PXYLP1: variants seen among roughly 807,000 people sequenced by gnomAD.
PXYLP1 encodes the protein acid phosphatase-like 2.
In PXYLP1, 17 loss-of-function variants were observed where a neutral mutation model predicts 37.9. The ratio of observed to expected loss-of-function variants is 0.45; its 90% CI spans 0.31 to 0.67. PXYLP1 has a LOEUF of 0.67. Among genes scored for constraint, PXYLP1 ranks in the 30% least tolerant of loss-of-function variants. The probability of loss-of-function intolerance (pLI) is 0.07; values close to 1 mark genes in which losing one functional copy is unlikely to be tolerated. For synonymous variants in PXYLP1, 221 were observed against 232.2 expected (o/e 0.95, Z 0.44); for missense variants, 511 against 612.0 (o/e 0.84, Z 1.74).
rs1400814568 is a variant in PXYLP1 at position 141,248,611 on chromosome 3, GTA to G, written c.-53-11505_-53-11504del. Among the ~76,000 whole-genome samples, 27 of 94,830 alleles carry G rather than the reference GTA, an allele frequency of 2.8e-4. 2 individuals carry two copies. Among genetic ancestry groups the G allele is most frequent in the African/African-American group, 7.0e-4 (13 of 18,668 alleles). 62.2% of individuals were successfully genotyped at this position (94,830 alleles called of 152,430 possible). A position where few individuals can be genotyped will look rare whatever the true frequency, so the allele number is the denominator to read the frequency against. ...TACACACACGTGTATATATACACACGTATATATACACACACGTATATATACAC... is the reference window on the plus strand; with the variant it reads ...TACACACACGTGTATATATACACACGTATATACACACACGTATATATACAC... On this transcript the variant is annotated intron_variant, in intron 1 of 5. Coordinates refer to ENST00000286353, the MANE Select transcript of PXYLP1 (RefSeq NM_001037172.3).
rs545979594 is a variant in PXYLP1 at position 141,292,588 on chromosome 3, G to A, written c.826G>A (p.Gly276Arg). 73 of 1,614,036 alleles carry A rather than the reference G, an allele frequency of 4.5e-5. No homozygotes were observed. Among genetic ancestry groups the A allele is most frequent in the Non-Finnish European group, 5.4e-5 (64 of 1,180,012 alleles). Residue 276 changes from glycine (G) to arginine (R), a missense_variant, in exon 6 of 6, where the codon GGG becomes AGG. Physicochemically the swap from Gly to Arg is moderately radical, Grantham distance 125. Transcript: ENST00000286353. This position sits in a 1 kb window ranked among gnomAD's most constrained non-coding sequence, Gnocchi z 4.3. Reference sequence around the variant, plus strand: ...AAACAGCCAGCTGGAGAAGACCTACGGGGAGATGGCCAAGATCGTGGATGT... The same window carrying A: ...AAACAGCCAGCTGGAGAAGACCTACAGGGAGATGGCCAAGATCGTGGATGT... The part of the protein sequence containing the change: ...LKNSQLEKTY[G>R]EMAKIVDVPT...
At chr3:141,252,478 G>A (rs870400) in intron 1 of PXYLP1, among the ~76,000 whole-genome samples, 65,840 of 151,992 alleles carry the variant, frequency 0.43, 16,786 homozygotes, top group South Asian at 0.61. Flanking sequence ...GGTGAGAGCG[G>A]GAGCAAGAGA....
chr3:141,234,519 C>A (rs1487916712), intron 1 of PXYLP1, among the ~76,000 whole-genome samples: 1 of 152,196 alleles, frequency 6.6e-6, no homozygotes, highest in Non-Finnish European at 1.5e-5. Context: ...TTGCACCATC[C>A]CCACTCCAGT....
intron 1 of PXYLP1, among the ~76,000 whole-genome samples, chr3:141,239,000 C>A (rs1010874484): frequency 2.7e-5 from 4 of 150,664 alleles, no homozygotes; most frequent in Non-Finnish European, 4.4e-5. Context: ...TCGACCTGCT[C>A]AGTTCAAATC....
chr3:141,251,548 G>A (rs1482299573), intron 1 of PXYLP1, among the ~76,000 whole-genome samples: 1 of 152,218 alleles, frequency 6.6e-6, no homozygotes, highest in African/African-American at 2.4e-5. Flanking sequence ...TTCATAAGAG[G>A]AAGGAAGGAA....
chr3:141,233,463 C>CAA (rs5853024), intron 1 of PXYLP1, among the ~76,000 whole-genome samples: 137 of 79,348 alleles, frequency 1.7e-3, no homozygotes, highest in African/African-American at 4.3e-3. Context: ...AAAACCCTGT[C>CAA]AAAAAAAAAA....
rs760855333 is a variant in PXYLP1 at position 141,287,379 on chromosome 3, T to C, written c.431T>C (p.Phe144Ser). ...SHMSKGSGAS[F>S]ESPLNSLPLY... ...ATGTCAAAAGGATCCGGAGCCTCTT[T>C]CGAAAGCCCCTTGAACTCCTTGCCT... is the stretch of plus-strand genomic sequence containing the variant. Residue 144 changes from phenylalanine to serine, a missense_variant, in exon 5 of 6, where the codon TTC (phenylalanine) becomes TCC (serine). By Grantham distance (155) the Phe-to-Ser change is radical (BLOSUM62 -2). Transcript: ENST00000286353. 36 of 1,614,152 alleles carry C rather than the reference T, an allele frequency of 2.2e-5. No homozygotes were observed. The highest frequency in any genetic ancestry group is 2.9e-5 in the Non-Finnish European group (34 of 1,180,032).
chr3:141,285,372 C>T (rs1409919376), intron 4 of PXYLP1, among the ~76,000 whole-genome samples: 1 of 151,530 alleles, frequency 6.6e-6, no homozygotes, highest in East Asian at 1.9e-4. Context: ...AAACTCCTGG[C>T]CCCAAGCAGT....
chr3:141,258,261 T>A (rs1941310133), intron 1 of PXYLP1, among the ~76,000 whole-genome samples: 1 of 152,132 alleles, frequency 6.6e-6, no homozygotes, highest in African/African-American at 2.4e-5. Context: ...AGACAAGATT[T>A]GCACCAGAGC....
chr3:141,248,558 CGTGTATATATAT>C (rs1559881379), intron 1 of PXYLP1, among the ~76,000 whole-genome samples: 2 of 133,214 alleles, frequency 1.5e-5, no homozygotes, highest in African/African-American at 3.3e-5. Flanking sequence ...TATATACACA[CGTGTATATATAT>C]ACACACATGT....
At chr3:141,240,252 AG>A (rs1940762923) in intron 1 of PXYLP1, among the ~76,000 whole-genome samples, 1 of 152,208 alleles carries the variant, frequency 6.6e-6, no homozygotes, top group African/African-American at 2.4e-5. Flanking sequence ...GGGCCATGTG[AG>A]TGTGTAGTGG....
In PXYLP1 at chr3:141,273,730, G is replaced by C. The variant is rs527343681; in HGVS notation, c.80-4612G>C. ...ATGAAAGTGATCGTAGATGAGATGA[G>C]CAGAGAACACCGCCATAAAAGAGAG... On this transcript the variant is annotated intron_variant, in intron 2 of 5. Coordinates refer to ENST00000286353, the MANE Select transcript of PXYLP1 (RefSeq NM_001037172.3). 4.1e-6 allele frequency: 4 copies of C among 985,394 alleles called. No individual in the cohort carries two copies. The South Asian group carries it at 1.9e-4, about 46-fold the overall frequency. 61.0% of individuals were successfully genotyped at this position (985,394 alleles called of 1,614,324 possible).
Position 141,249,470 on chromosome 3 carries a change from C to CTTT in PXYLP1, c.-53-10636_-53-10634dup, listed in dbSNP as rs564313232. Among the ~76,000 whole-genome samples the CTTT allele has an allele frequency of 5.5e-3, 509 of 93,116 alleles. 21 individuals are homozygous for CTTT. Among genetic ancestry groups the CTTT allele is most frequent in the African/African-American group, 0.02 (477 of 23,800 alleles). 61.1% of individuals were successfully genotyped at this position (93,116 alleles called of 152,430 possible). On this transcript the variant is annotated intron_variant, in intron 1 of 5. Coordinates refer to ENST00000286353, the MANE Select transcript of PXYLP1 (RefSeq NM_001037172.3). ...GCTATGAGTCTCAGGACTTTGGAAGCTTTTTTTTTTTTTTTTTTTGCCTTT... is the reference window on the plus strand; with the variant it reads ...GCTATGAGTCTCAGGACTTTGGAAGCTTTTTTTTTTTTTTTTTTTTTTGCCTTT...
chr3:141,262,917 T>G (rs908265360), intron 2 of PXYLP1, among the ~76,000 whole-genome samples: 1 of 152,248 alleles, frequency 6.6e-6, no homozygotes, highest in African/African-American at 2.4e-5. Context: ...CTTTACCATT[T>G]CTTTTTACTT....
intron 1 of PXYLP1, among the ~76,000 whole-genome samples, chr3:141,249,311 C>T (rs1343770698): frequency 6.6e-6 from 1 of 152,178 alleles, no homozygotes; most frequent in Non-Finnish European, 1.5e-5. Flanking sequence ...CAAAACGCCT[C>T]TCAGTGGCAT....
chr3:141,241,557 G>C (rs1409296033), intron 1 of PXYLP1, among the ~76,000 whole-genome samples: 2 of 152,186 alleles, frequency 1.3e-5, no homozygotes, highest in Admixed American at 6.5e-5. Context: ...GGATAAGCAG[G>C]AGTTAACCAG....
rs1559894082 is a variant in PXYLP1 at position 141,279,578 on chromosome 3, A to C, written c.365+74A>C. On this transcript the variant is annotated intron_variant, in intron 4 of 5. Transcript: ENST00000286353. ...TGTAGGATAGAGAATGACAGGACCT[A>C]CACTTGGTGAACCATACTGTTTGCA... 4.5e-6 allele frequency: 7 copies of C among 1,572,294 alleles called. No homozygotes were observed. The South Asian group carries it at 8.0e-5, about 18-fold the overall frequency.
chr3:141,285,144 C>CTTTTTTTTTTTTTTTTTTTTTTT (rs147495598), intron 4 of PXYLP1, among the ~76,000 whole-genome samples: 1 of 78,764 alleles, frequency 1.3e-5, no homozygotes, highest in African/African-American at 4.4e-5. Flanking sequence ...TTTTCTTTTT[C>CTTTTTTTTTTTTTTTTTTTTTTT]TTTTTTTTTT....
chr3:141,235,456 T>G (rs553798079), intron 1 of PXYLP1: 8 of 152,258 alleles, frequency 5.3e-5, no homozygotes, highest in Admixed American at 3.9e-4. Context: ...GGAGGAAGCT[T>G]CCAGGGAGAC....
Sources: allele counts gnomAD v4.1 joint callset (sites outside exome capture counted in the v4.1 genomes callset), GRCh38; gene constraint gnomAD v4.1.1; non-coding constraint Gnocchi (gnomAD v3.1); transcripts MANE v1.5; gene names NCBI Gene and HGNC (gene_info 2026-07-23, HGNC 2026-07-21).